The following ITPK1 variants were observed in gnomAD, a reference collection of about 807,000 sequenced individuals.
ITPK1 encodes the protein inositol-tetrakisphosphate 1-kinase, also known as inositol 1,3,4-trisphosphate 5/6-kinase.
ITPK1 carries 21 observed loss-of-function variants against 45.3 expected under a neutral mutation model. That is an observed-to-expected ratio of 0.46 (90% CI 0.33 to 0.67). The LOEUF (loss-of-function observed/expected upper bound fraction) is 0.67. Among genes scored for constraint, ITPK1 ranks in the 30% least tolerant of loss-of-function variants. ITPK1 has a pLI of 0.02. For missense variants in ITPK1, 474 were observed against 573.5 expected (o/e 0.83, Z 1.77); for synonymous variants, 258 against 253.6 (o/e 1.02, Z -0.16).
chr14:93,060,067 A>AG (rs1015059597), intron 3 of ITPK1, among the ~76,000 whole-genome samples: 1 of 148,924 alleles, frequency 6.7e-6, no homozygotes, highest in Admixed American at 6.7e-5. Context: ...GGGCAGGAGG[A>AG]GGGGGGTGGG....
intron 5 of ITPK1, among the ~76,000 whole-genome samples, chr14:92,976,774 C>T (rs546862801): frequency 2.0e-5 from 3 of 152,230 alleles, no homozygotes; most frequent in Admixed American, 1.3e-4. Flanking sequence ...GTTGGTTGCA[C>T]GTTCAAGATC....
At chr14:93,092,448 G>A (rs1375364434) in intron 2 of ITPK1, among the ~76,000 whole-genome samples, 1 of 152,226 alleles carries the variant, frequency 6.6e-6, no homozygotes, top group Admixed American at 6.5e-5. Flanking sequence ...ACATGGGTGA[G>A]GGAGGACAGC....
At chr14:92,992,804 G>C (rs945056176) in intron 5 of ITPK1, among the ~76,000 whole-genome samples, 1 of 152,258 alleles carries the variant, frequency 6.6e-6, no homozygotes, top group Admixed American at 6.5e-5. Flanking sequence ...TGAATGCTGC[G>C]TGACGTGGCA....
At chr14:92,997,441 C>T (rs1454822237) in intron 4 of ITPK1, among the ~76,000 whole-genome samples, 2 of 152,208 alleles carry the variant, frequency 1.3e-5, no homozygotes, top group African/African-American at 4.8e-5. Flanking sequence ...AAAGCATCAG[C>T]ATTAACAGAA....
intron 2 of ITPK1, among the ~76,000 whole-genome samples, chr14:93,079,721 C>T (rs1014059157): frequency 2.6e-5 from 4 of 152,186 alleles, no homozygotes; most frequent in Admixed American, 2.0e-4. Flanking sequence ...CCAACAACCT[C>T]GATTCCCCAA....
At chr14:93,078,809 T>G (rs1243997779) in intron 2 of ITPK1, among the ~76,000 whole-genome samples, 1 of 151,902 alleles carries the variant, frequency 6.6e-6, no homozygotes, top group Admixed American at 6.5e-5. Context: ...ACGAGAAAAC[T>G]GAAGGAAGCG....
chr14:92,967,696 A>C (rs1040875190), intron 5 of ITPK1, among the ~76,000 whole-genome samples: 3 of 152,260 alleles, frequency 2.0e-5, no homozygotes, highest in Non-Finnish European at 2.9e-5. Context: ...AATGTGACCT[A>C]CCCATACAAT....
intron 3 of ITPK1, among the ~76,000 whole-genome samples, chr14:93,075,707 A>AGT (rs1258927049): frequency 6.6e-6 from 1 of 152,208 alleles, no homozygotes; most frequent in Non-Finnish European, 1.5e-5. Flanking sequence ...AGAGCTCCCC[A>AGT]GTGGGCTTTT....
chr14:93,019,188 C>G (rs543733153), intron 3 of ITPK1, among the ~76,000 whole-genome samples: 19 of 152,312 alleles, frequency 1.2e-4, no homozygotes, highest in African/African-American at 4.6e-4. Flanking sequence ...GGGAGCCGGG[C>G]CACAGGAGCG....
At chr14:93,013,425 C>G (rs908243231) in intron 4 of ITPK1, among the ~76,000 whole-genome samples, 4 of 152,348 alleles carry the variant, frequency 2.6e-5, no homozygotes, top group Middle Eastern at 3.4e-3. Flanking sequence ...GAAGCAGGCA[C>G]GGCCTCCTGG....
At position 93,104,432 on chromosome 14, in the gene ITPK1, G is replaced by T. The variant is rs969968096; in HGVS notation, c.95+10637C>A. Among the ~76,000 whole-genome samples the T allele has an allele frequency of 5.3e-5, 8 of 150,884 alleles. No homozygotes were observed. In the East Asian group the frequency reaches 1.4e-3, roughly 26 times the overall value. On this transcript the variant is annotated intron_variant, in intron 2 of 10. Transcript: ENST00000267615. ...GAACAAAGATCACACCTTGCACTCC[G>T]GCCTGGGTGACAATAGCGAAACTCC...
intron 3 of ITPK1, among the ~76,000 whole-genome samples, chr14:93,041,912 G>T (rs1889578277): frequency 6.6e-6 from 1 of 152,166 alleles, no homozygotes; most frequent in Non-Finnish European, 1.5e-5. Context: ...CTATCCTGCA[G>T]CCCCCTGTTA....
chr14:92,982,963 G>A (rs1025553227), intron 5 of ITPK1, among the ~76,000 whole-genome samples: 2 of 152,202 alleles, frequency 1.3e-5, no homozygotes, highest in African/African-American at 4.8e-5. Flanking sequence ...ACTGGAGGAC[G>A]AGAAGAGAAG....
intron 3 of ITPK1, among the ~76,000 whole-genome samples, chr14:93,053,525 C>T (rs994699375): frequency 4.6e-5 from 7 of 152,212 alleles, no homozygotes; most frequent in African/African-American, 9.7e-5. Context: ...AGGACTTTCA[C>T]GGTAGTGAAG....
chr14:92,946,767 C>A (rs1048515140), intron 9 of ITPK1, among the ~76,000 whole-genome samples: 1 of 152,248 alleles, frequency 6.6e-6, no homozygotes, highest in African/African-American at 2.4e-5. Context: ...ACAGGGAAAC[C>A]GGAGCTCAGA....
At chr14:93,092,625 C>T (rs891656169) in intron 2 of ITPK1, among the ~76,000 whole-genome samples, 3 of 152,244 alleles carry the variant, frequency 2.0e-5, no homozygotes, top group African/African-American at 7.2e-5. Flanking sequence ...GAAGTACCTG[C>T]AGACATTCTT....
chr14:93,024,749 C>A (rs1888647820), intron 3 of ITPK1, among the ~76,000 whole-genome samples: 1 of 152,310 alleles, frequency 6.6e-6, no homozygotes, highest in East Asian at 1.9e-4. Context: ...ACACATGAAG[C>A]AAGGAAGTCA....
In ITPK1 at chr14:93,055,743, G is replaced by C. The variant is rs75283616; in HGVS notation, c.120+20852C>G. Reference sequence around the variant, plus strand: ...GGTCCTAGCCCCAACTGCCAGTCAGGCCTCAGGTAGAAACTGAAGGTGCCC... The same window carrying C: ...GGTCCTAGCCCCAACTGCCAGTCAGCCCTCAGGTAGAAACTGAAGGTGCCC... On this transcript the variant is annotated intron_variant, in intron 3 of 10. Coordinates refer to ENST00000267615, the MANE Select transcript of ITPK1 (RefSeq NM_014216.6). 2.3e-3 allele frequency among the ~76,000 whole-genome samples: 350 copies of C among 152,284 alleles called. 1 individual carries two copies. The highest frequency in any genetic ancestry group is 8.2e-3 in the African/African-American group (340 of 41,562).
rs558923775 is a variant in ITPK1, at chr14:92,958,689, G to A, written c.505-323C>T. On this transcript the variant is annotated intron_variant, in intron 7 of 10. Transcript: ENST00000267615. The surrounding 1 kb of genome is among the most constrained non-coding windows in gnomAD (Gnocchi z 4.4). The stretch of plus-strand genomic sequence containing the variant: ...CTGTGGTCCAGGGAAGGGGGCCGCT[G>A]AGGTTGTGTGCTGCTCAACCCTCTG... Among the ~76,000 whole-genome samples the A allele has an allele frequency of 4.6e-5, 7 of 152,326 alleles. No individual in the cohort carries two copies. The East Asian group carries it at 1.4e-3, about 29-fold the overall frequency.
Sources: gnomAD v4.1 joint callset for allele counts (sites outside exome capture counted in the v4.1 genomes callset) on GRCh38, gnomAD v4.1.1 for gene constraint, Gnocchi (gnomAD v3.1) non-coding constraint, MANE v1.5 for transcripts, NCBI Gene and HGNC (gene_info 2026-07-23, HGNC 2026-07-21) for gene names.